HACE1: variants seen among roughly 807,000 people sequenced by gnomAD.
HACE1 encodes E3 ubiquitin-protein ligase HACE1.
Under a neutral mutation model 118.4 loss-of-function variants are expected in HACE1, and 73 were observed. The ratio of observed to expected loss-of-function variants is 0.62; its 90% CI spans 0.51 to 0.75. HACE1 has a LOEUF of 0.75. HACE1 is among the 30% of genes least tolerant of loss of function. HACE1 has a pLI of 0.00. For synonymous variants in HACE1, 368 were observed against 374.8 expected (o/e 0.98, Z 0.21); for missense variants, 749 against 1,102.2 (o/e 0.68, Z 4.54).
At chr6:104,845,240 T>C (rs777121354) in intron 4 of HACE1, among the ~76,000 whole-genome samples, 8 of 152,156 alleles carry the variant, frequency 5.3e-5, no homozygotes, top group Admixed American at 1.3e-4. Context: ...CATATTTCTT[T>C]AATCAACTCA....
chr6:104,819,651 T>C (rs532180152), intron 6 of HACE1, among the ~76,000 whole-genome samples: 5 of 152,024 alleles, frequency 3.3e-5, no homozygotes, highest in Non-Finnish European at 5.9e-5. Context: ...TACAGGGATA[T>C]AGTGAGCAAA....
chr6:104,737,739 C>G (rs947458624), intron 22 of HACE1, among the ~76,000 whole-genome samples: 1 of 152,140 alleles, frequency 6.6e-6, no homozygotes, highest in Non-Finnish European at 1.5e-5. Flanking sequence ...AAGGCAGCAG[C>G]GAGGCTGGGG....
At position 104,728,232 on chromosome 6, in the gene HACE1, A is replaced by G. The variant is rs763195821; in HGVS notation, c.*1430T>C. 1 of 152,236 alleles carries G rather than the reference A, an allele frequency of 6.6e-6. No individual in the cohort carries two copies. The highest frequency in any genetic ancestry group is 1.5e-5 in the Non-Finnish European group (1 of 68,040). 9.4% of individuals were successfully genotyped at this position (152,236 alleles called of 1,614,324 possible). On this transcript the variant is annotated 3_prime_UTR_variant, in exon 24 of 24. Coordinates refer to ENST00000262903, the MANE Select transcript of HACE1 (RefSeq NM_020771.4). ...TTAGTATTATAAGCAGTGTAATATT[A>G]AAGGTGGTTATCTATTTGAAAACTC...
chr6:104,771,455 A>T, intron 18 of HACE1, 66 bp from the exon 19 acceptor site: 1 of 940,096 alleles, frequency 1.1e-6, no homozygotes, highest in Non-Finnish European at 1.7e-6. Context: ...TTAATGGTAA[A>T]ATACTGCCCT....
chr6:104,810,302 T>G (rs190167478), intron 7 of HACE1, among the ~76,000 whole-genome samples: 23 of 152,066 alleles, frequency 1.5e-4, no homozygotes, highest in African/African-American at 5.5e-4. Context: ...GGTTGTTAAA[T>G]AGATGATCTG....
intron 5 of HACE1, 148 bp from the exon 6 acceptor site, chr6:104,833,321 T>TA: frequency 1.3e-6 from 1 of 752,418 alleles, no homozygotes; most frequent in Non-Finnish European, 2.3e-6. Flanking sequence ...AAACTAAAGG[T>TA]ATTTTAAGTC....
intron 1 of HACE1, among the ~76,000 whole-genome samples, chr6:104,857,729 G>A (rs1317677699): frequency 6.6e-6 from 1 of 151,522 alleles, no homozygotes; most frequent in East Asian, 1.9e-4. Context: ...AGGCCGAGGC[G>A]GGCAGATCAC....
At chr6:104,734,128 GCAAGACTCTTC>G (rs1775531637) in intron 22 of HACE1, among the ~76,000 whole-genome samples, 1 of 111,348 alleles carries the variant, frequency 9.0e-6, no homozygotes, top group Non-Finnish European at 1.7e-5. Context: ...GAGAAACAGA[GCAAGACTCTTC>G]CTCAAAAAAA....
chr6:104,774,169 A>C (rs1408270854), intron 17 of HACE1, among the ~76,000 whole-genome samples: 1 of 103,908 alleles, frequency 9.6e-6, no homozygotes, highest in East Asian at 2.2e-4. Context: ...GGCTCACTGC[A>C]AGCTCCGCCT....
intron 7 of HACE1, among the ~76,000 whole-genome samples, chr6:104,798,985 T>C (rs895382796): frequency 1.3e-5 from 2 of 152,238 alleles, no homozygotes; most frequent in Admixed American, 1.3e-4. Context: ...TTATAGCATG[T>C]ACTCAATACA....
intron 19 of HACE1, among the ~76,000 whole-genome samples, chr6:104,769,415 C>A (rs1285096624): frequency 6.6e-6 from 1 of 152,090 alleles, no homozygotes; most frequent in Non-Finnish European, 1.5e-5. Flanking sequence ...GTTCTCTTAT[C>A]AAAGGCAATC....
chr6:104,828,617 A>C (rs1773561896), intron 6 of HACE1, among the ~76,000 whole-genome samples: 1 of 151,998 alleles, frequency 6.6e-6, no homozygotes, highest in Non-Finnish European at 1.5e-5. Context: ...AGTAGTTTAA[A>C]ATCATGGTGC....
chr6:104,774,480 G>A (rs1259408825), intron 17 of HACE1, among the ~76,000 whole-genome samples: 9 of 151,716 alleles, frequency 5.9e-5, no homozygotes, highest in Admixed American at 4.6e-4. Context: ...CACCTCCTGG[G>A]TTCAAGAGAT....
At chr6:104,802,064 A>C (rs1350311540) in intron 7 of HACE1, among the ~76,000 whole-genome samples, 4 of 151,660 alleles carry the variant, frequency 2.6e-5, no homozygotes, top group Admixed American at 2.0e-4. Flanking sequence ...AGGGGTTGCA[A>C]TCCAGGTCTC....
intron 14 of HACE1, among the ~76,000 whole-genome samples, chr6:104,782,094 C>G (rs1269589284): frequency 6.6e-6 from 1 of 151,932 alleles, no homozygotes; most frequent in East Asian, 1.9e-4. Context: ...ACTTTTGCAC[C>G]AACCTATATT....
chr6:104,762,862 C>T (rs1434151284), intron 19 of HACE1, among the ~76,000 whole-genome samples: 1 of 151,720 alleles, frequency 6.6e-6, no homozygotes, highest in East Asian at 1.9e-4. Context: ...TGATGGTGGA[C>T]ACCTGTAGTC....
At chr6:104,808,703 T>G (rs1317469140) in intron 7 of HACE1, among the ~76,000 whole-genome samples, 1 of 152,226 alleles carries the variant, frequency 6.6e-6, no homozygotes, top group Non-Finnish European at 1.5e-5. Flanking sequence ...GTCCTGGGGT[T>G]AACTTGTTCT....
At chr6:104,810,871 G>A (rs1308775028) in intron 7 of HACE1, among the ~76,000 whole-genome samples, 11 of 151,952 alleles carry the variant, frequency 7.2e-5, no homozygotes, top group Admixed American at 1.3e-4. Context: ...CATGGCTCTG[G>A]ATCAAGATAT....
At chr6:104,794,926 G>A (rs563483847) in intron 10 of HACE1, among the ~76,000 whole-genome samples, 9 of 150,874 alleles carry the variant, frequency 6.0e-5, no homozygotes, top group African/African-American at 1.7e-4. Flanking sequence ...TTGTATATAT[G>A]TGTGTGTGTG....
Sources: allele counts gnomAD v4.1 joint callset (sites outside exome capture counted in the v4.1 genomes callset), GRCh38; gene constraint gnomAD v4.1.1; transcripts MANE v1.5; gene names NCBI Gene and HGNC (gene_info 2026-07-23, HGNC 2026-07-21).